The following EPB41L4A variants were observed in gnomAD, a reference collection of about 807,000 sequenced individuals.
EPB41L4A encodes the protein erythrocyte membrane protein band 4.1 like 4A.
Under a neutral mutation model 108.6 loss-of-function variants are expected in EPB41L4A, and 100 were observed. The ratio of observed to expected loss-of-function variants is 0.92; its 90% CI spans 0.78 to 1.09. The LOEUF (loss-of-function observed/expected upper bound fraction) is 1.09. Ranked by LOEUF, EPB41L4A falls within the 50% of genes least tolerant of loss-of-function variation. EPB41L4A has a pLI of 0.00. For missense variants in EPB41L4A, 1,030 were observed against 842.7 expected, an observed-to-expected ratio of 1.22 and a Z score of -2.75; for synonymous variants, 319 against 289.0, an observed-to-expected ratio of 1.10 and a Z score of -1.05.
At chr5:112,201,644 C>T (rs537165800) in intron 15 of EPB41L4A, among the ~76,000 whole-genome samples, 2 of 152,164 alleles carry the variant, frequency 1.3e-5, no homozygotes, top group Non-Finnish European at 2.9e-5. Context: ...ATGCTAAATT[C>T]TAATCATCCC....
chr5:112,418,272 T>A (rs1167416443), intron 1 of EPB41L4A, among the ~76,000 whole-genome samples: 1 of 152,214 alleles, frequency 6.6e-6, no homozygotes, highest in Non-Finnish European at 1.5e-5. Flanking sequence ...AGGAAGAGGA[T>A]CTCTGCGAGC....
At chr5:112,161,196 T>C (rs1299075324), downstream of EPB41L4A, 5 of 260,340 alleles carry the variant, frequency 1.9e-5, no homozygotes, top group Non-Finnish European at 3.9e-5. Flanking sequence ...ACTGACTTTA[T>C]GCTTGCCCTG....
At chr5:112,350,814 A>G (rs2150730730) in intron 1 of EPB41L4A, among the ~76,000 whole-genome samples, 1 of 152,280 alleles carries the variant, frequency 6.6e-6, no homozygotes, top group Middle Eastern at 3.4e-3. Flanking sequence ...ATTCTTTTTT[A>G]TAGCTGAATA....
chr5:112,345,853 A>C (rs2150714680), intron 1 of EPB41L4A, among the ~76,000 whole-genome samples: 1 of 151,478 alleles, frequency 6.6e-6, no homozygotes, highest in South Asian at 2.1e-4. Context: ...ACCTGGGATG[A>C]TTTTTATTTT....
intron 1 of EPB41L4A, among the ~76,000 whole-genome samples, chr5:112,356,714 T>C (rs948377992): frequency 3.3e-5 from 5 of 152,190 alleles, no homozygotes; most frequent in Admixed American, 1.3e-4. Flanking sequence ...TTGAGTACAC[T>C]GTGCTGACTG....
chr5:112,258,162 G>A (rs544535252), intron 9 of EPB41L4A, among the ~76,000 whole-genome samples: 1 of 152,292 alleles, frequency 6.6e-6, no homozygotes, highest in South Asian at 2.1e-4. Flanking sequence ...ATGAGATAAT[G>A]TTTTTTTCCT....
Position 112,419,213 on chromosome 5 carries a change from G to T in EPB41L4A, c.-174C>A, listed in dbSNP as rs945422047. On this transcript the variant is annotated 5_prime_UTR_variant, in exon 1 of 23. Coordinates refer to ENST00000261486, the MANE Select transcript of EPB41L4A (RefSeq NM_022140.5). ...CCGAACCGCCCGGCGGGGCGGGAGC[G>T]AGAAAGGCGGAAAAGCCCGGGAGAG... 4.1e-6 allele frequency: 2 copies of T among 487,086 alleles called. No homozygotes were observed. Among genetic ancestry groups the T allele is most frequent in the Non-Finnish European group, 7.3e-6 (2 of 274,894 alleles). 30.2% of individuals were successfully genotyped at this position (487,086 alleles called of 1,614,324 possible). A position where few individuals can be genotyped will look rare whatever the true frequency, so the allele number is the denominator to read the frequency against.
At position 112,169,069 on chromosome 5, in the gene EPB41L4A, A is replaced by G; in HGVS notation, c.1776T>C (p.His592=). The change falls in exon 21 of 23, where the codon CAT becomes CAC. Residue 592 remains histidine (H), a synonymous_variant. Transcript: ENST00000261486. ...QGDPIRIRHS[H]SPRSYRQYRR... is the part of the protein sequence containing the mutation. ...GATACTGGCGGTAACTTCGTGGCGAATGAGAATGCCTGATGCGGATTGGGT... is the reference window on the plus strand; with the variant it reads ...GATACTGGCGGTAACTTCGTGGCGAGTGAGAATGCCTGATGCGGATTGGGT... 1 of 1,614,142 alleles carries G rather than the reference A, an allele frequency of 6.2e-7. No individual in the cohort carries two copies. Among genetic ancestry groups the G allele is most frequent in the Non-Finnish European group, 8.5e-7 (1 of 1,180,000 alleles).
intron 17 of EPB41L4A, among the ~76,000 whole-genome samples, chr5:112,187,470 C>T (rs947877077): frequency 6.6e-6 from 1 of 152,192 alleles, no homozygotes; most frequent in Non-Finnish European, 1.5e-5. Context: ...TCTTACCAAA[C>T]TTCAACACTC....
chr5:112,239,834 G>T, intron 10 of EPB41L4A, 97 bp from the exon 11 acceptor site: 1 of 628,402 alleles, frequency 1.6e-6, no homozygotes. Context: ...AAGGACTCCA[G>T]CCACTTTATA....
At chr5:112,294,090 A>T (rs1212893758) in intron 2 of EPB41L4A, among the ~76,000 whole-genome samples, 3 of 152,366 alleles carry the variant, frequency 2.0e-5, no homozygotes, top group East Asian at 1.9e-4. Context: ...AGAATATTCT[A>T]AACAGCACCT....
chr5:112,419,925 G>C (rs1310398831), upstream of EPB41L4A: 1 of 455,846 alleles, frequency 2.2e-6, no homozygotes, highest in Non-Finnish European at 4.4e-6. Context: ...AAAGCGGGGA[G>C]GCGGGGACCT....
At chr5:112,176,385 T>C (rs1461381942) in intron 18 of EPB41L4A, among the ~76,000 whole-genome samples, 3 of 152,208 alleles carry the variant, frequency 2.0e-5, no homozygotes, top group African/African-American at 7.2e-5. Flanking sequence ...ACATTTGTAT[T>C]CAGTTGTCCA....
At chr5:112,394,777 T>C (rs1406685293) in intron 1 of EPB41L4A, among the ~76,000 whole-genome samples, 1 of 152,110 alleles carries the variant, frequency 6.6e-6, no homozygotes, top group Non-Finnish European at 1.5e-5. Context: ...GAGCCCACAT[T>C]GCCAAGACAA....
chr5:112,346,914 A>C (rs1050468834), intron 1 of EPB41L4A, among the ~76,000 whole-genome samples: 3 of 152,194 alleles, frequency 2.0e-5, no homozygotes, highest in Non-Finnish European at 4.4e-5. Context: ...CCCAGTGCTC[A>C]TTACAGCTTT....
intron 2 of EPB41L4A, among the ~76,000 whole-genome samples, chr5:112,289,625 G>T (rs1017938107): frequency 3.3e-5 from 5 of 152,190 alleles, no homozygotes; most frequent in Non-Finnish European, 7.3e-5. Context: ...TCCCTTGCGA[G>T]GAAGCCAAGC....
At chr5:112,395,977 T>C (rs1417086231) in intron 1 of EPB41L4A, among the ~76,000 whole-genome samples, 2 of 152,142 alleles carry the variant, frequency 1.3e-5, no homozygotes, top group Admixed American at 6.5e-5. Flanking sequence ...GAAACCATCA[T>C]TCTGAGCAAA....
At chr5:112,411,315 A>G (rs1218630758) in intron 1 of EPB41L4A, among the ~76,000 whole-genome samples, 1 of 152,112 alleles carries the variant, frequency 6.6e-6, no homozygotes, top group Non-Finnish European at 1.5e-5. Flanking sequence ...ACATGATACT[A>G]TTTCTCCTAC....
intron 9 of EPB41L4A, among the ~76,000 whole-genome samples, chr5:112,257,475 G>A (rs1388388082): frequency 6.6e-6 from 1 of 152,112 alleles, no homozygotes; most frequent in Non-Finnish European, 1.5e-5. Context: ...CGAGTACACA[G>A]GAAACAGGGT....
Sources: gnomAD v4.1 joint callset for allele counts (sites outside exome capture counted in the v4.1 genomes callset) on GRCh38, gnomAD v4.1.1 for gene constraint, MANE v1.5 for transcripts, NCBI Gene and HGNC (gene_info 2026-07-23, HGNC 2026-07-21) for gene names.